THSD7B: variants seen among roughly 807,000 people sequenced by gnomAD.
The protein encoded by THSD7B is thrombospondin type 1 domain containing 7B.
Under a neutral mutation model 213.6 loss-of-function variants are expected in THSD7B, and 138 were observed. That is an observed-to-expected ratio of 0.65 (90% CI 0.56 to 0.74). The LOEUF is 0.74. Ranked by LOEUF, THSD7B falls within the 30% of genes least tolerant of loss-of-function variation. The pLI, the probability that THSD7B is intolerant of heterozygous loss-of-function variation, is 0.00. For missense variants in THSD7B, 1,931 were observed against 1,991.5 expected, an observed-to-expected ratio of 0.97 and a Z score of 0.58; for synonymous variants, 742 against 687.0, an observed-to-expected ratio of 1.08 and a Z score of -1.25.
At chr2:137,304,252 C>G (rs1683686254) in intron 12 of THSD7B, among the ~76,000 whole-genome samples, 1 of 152,054 alleles carries the variant, frequency 6.6e-6, no homozygotes, top group Non-Finnish European at 1.5e-5. Flanking sequence ...GATTGCACCA[C>G]TAATGTCTAA....
At chr2:136,855,161 A>G (rs896805265) in intron 1 of THSD7B, among the ~76,000 whole-genome samples, 7 of 151,956 alleles carry the variant, frequency 4.6e-5, no homozygotes, top group Admixed American at 6.5e-5. Context: ...GGTTTTCTGT[A>G]TATTTATGTA....
chr2:137,596,167 A>G (rs182582912), intron 17 of THSD7B, among the ~76,000 whole-genome samples: 1 of 152,124 alleles, frequency 6.6e-6, no homozygotes, highest in East Asian at 1.9e-4. Flanking sequence ...GAAACTCACT[A>G]AACAGGTAAA....
chr2:137,108,722 CTG>C (rs980721378), intron 4 of THSD7B, among the ~76,000 whole-genome samples: 1 of 152,182 alleles, frequency 6.6e-6, no homozygotes, highest in Non-Finnish European at 1.5e-5. Context: ...TAAATCTTAA[CTG>C]TTTCTACTCA....
At chr2:137,065,433 G>A (rs925782970) in intron 3 of THSD7B, among the ~76,000 whole-genome samples, 1 of 151,622 alleles carries the variant, frequency 6.6e-6, no homozygotes, top group Non-Finnish European at 1.5e-5. Flanking sequence ...CAAATATTAT[G>A]TTATCTGCAA....
chr2:136,851,351 C>T (rs1163256569), intron 1 of THSD7B, among the ~76,000 whole-genome samples: 1 of 152,068 alleles, frequency 6.6e-6, no homozygotes, highest in East Asian at 1.9e-4. Flanking sequence ...TTCCACTCCC[C>T]ATGTCTCTTA....
intron 2 of THSD7B, among the ~76,000 whole-genome samples, chr2:136,904,929 C>T (rs1573701765): frequency 6.6e-6 from 1 of 152,226 alleles, no homozygotes; most frequent in Non-Finnish European, 1.5e-5. Context: ...TCCACAGACT[C>T]ATACAATGTT....
chr2:137,435,524 T>G (rs1687273265), intron 14 of THSD7B, among the ~76,000 whole-genome samples: 1 of 152,198 alleles, frequency 6.6e-6, no homozygotes, highest in Admixed American at 6.5e-5. Flanking sequence ...CTGCAGGGCT[T>G]TGAGCAGGAG....
At chr2:137,425,762 C>A (rs980519546) in intron 14 of THSD7B, among the ~76,000 whole-genome samples, 1 of 152,160 alleles carries the variant, frequency 6.6e-6, no homozygotes, top group African/African-American at 2.4e-5. Flanking sequence ...AAAGCTTTTT[C>A]TCTGTGATCA....
At chr2:136,860,262 G>A (rs1377557479) in intron 1 of THSD7B, among the ~76,000 whole-genome samples, 1 of 151,974 alleles carries the variant, frequency 6.6e-6, no homozygotes, top group Non-Finnish European at 1.5e-5. Context: ...CGTTGATGGT[G>A]GTGCAGGCCT....
chr2:136,832,404 C>T (rs1004945863), intron 1 of THSD7B, among the ~76,000 whole-genome samples: 6 of 152,212 alleles, frequency 3.9e-5, no homozygotes, highest in South Asian at 2.1e-4. Context: ...ACTGATGTCC[C>T]AGCTTATGCA....
chr2:137,482,723 T>C (rs1163779716), intron 15 of THSD7B, among the ~76,000 whole-genome samples: 1 of 151,992 alleles, frequency 6.6e-6, no homozygotes, highest in Non-Finnish European at 1.5e-5. Flanking sequence ...TTAGGGTTTA[T>C]TGTTAGTATT....
intron 12 of THSD7B, among the ~76,000 whole-genome samples, chr2:137,388,036 TATC>T (rs1243129432): frequency 1.3e-5 from 2 of 152,138 alleles, no homozygotes; most frequent in African/African-American, 2.4e-5. Flanking sequence ...ACCTCAACAT[TATC>T]ATGTAAGAGA....
intron 10 of THSD7B, among the ~76,000 whole-genome samples, chr2:137,252,978 G>A (rs77083082): frequency 0.015 from 2,159 of 145,676 alleles, 61 homozygotes; most frequent in African/African-American, 0.054. Context: ...TTGTGAATTA[G>A]GTAGAAATAT....
chr2:136,990,846 C>T (rs1685766488), intron 2 of THSD7B: 1 of 1,310,900 alleles, frequency 7.6e-7, no homozygotes, highest in African/African-American at 1.5e-5. Context: ...AGCATTTTCA[C>T]AAATTAAAAT....
At chr2:136,786,706 C>T (rs1573637704) in intron 1 of THSD7B, among the ~76,000 whole-genome samples, 1 of 152,090 alleles carries the variant, frequency 6.6e-6, no homozygotes, top group Non-Finnish European at 1.5e-5. Context: ...TGGATTAAAA[C>T]GATGACACTG....
chr2:137,562,910 T>C (rs1681152488), intron 15 of THSD7B, among the ~76,000 whole-genome samples: 1 of 152,140 alleles, frequency 6.6e-6, no homozygotes, highest in Admixed American at 6.6e-5. Flanking sequence ...TAATAGATGC[T>C]GTGTGAGCTC....
chr2:137,618,642 T>A (rs1303469584), intron 19 of THSD7B, 135 bp downstream of exon 19: 3 of 735,244 alleles, frequency 4.1e-6, no homozygotes, highest in Non-Finnish European at 6.5e-6. Context: ...GAGTAAGCGG[T>A]GCCAGTATAG....
chr2:137,501,876 T>C (rs1018294546), intron 15 of THSD7B, among the ~76,000 whole-genome samples: 1 of 152,210 alleles, frequency 6.6e-6, no homozygotes, highest in Admixed American at 6.5e-5. Flanking sequence ...CTTTCCCCAG[T>C]GAACGATGTT....
At chr2:136,975,366 G>A (rs1685464016) in intron 2 of THSD7B, among the ~76,000 whole-genome samples, 2 of 152,066 alleles carry the variant, frequency 1.3e-5, no homozygotes. Flanking sequence ...TTTTGTATAA[G>A]GTGTAAGGAA....
Sources: gnomAD v4.1 joint callset for allele counts (sites outside exome capture counted in the v4.1 genomes callset) on GRCh38, gnomAD v4.1.1 for gene constraint, MANE v1.5 for transcripts, NCBI Gene and HGNC (gene_info 2026-07-23, HGNC 2026-07-21) for gene names.